The following GRK7 variants were observed in gnomAD, a reference collection of about 807,000 sequenced individuals.
The protein encoded by GRK7 is rhodopsin kinase GRK7.
A neutral mutation model predicts 34.1 loss-of-function variants in GRK7; 24 were observed. The observed-to-expected ratio is 0.70, with a 90% CI of 0.51 to 0.99. GRK7 has a LOEUF of 0.99. Among genes scored for constraint, GRK7 ranks in the 50% least tolerant of loss-of-function variants. GRK7 has a pLI of 0.00. For missense variants in GRK7, 644 were observed against 707.3 expected, an observed-to-expected ratio of 0.91 and a Z score of 1.02; for synonymous variants, 256 against 279.4, an observed-to-expected ratio of 0.92 and a Z score of 0.84.
chr3:141,777,811 C>T (rs887135692), intron 2 of GRK7, among the ~76,000 whole-genome samples: 3 of 152,114 alleles, frequency 2.0e-5, no homozygotes, highest in African/African-American at 7.2e-5. Flanking sequence ...TCTGACTTCT[C>T]ACAGTTCCTC....
rs762654234 is a variant in GRK7, at chr3:141,780,670, G to A, written c.909G>A (p.Gly303=). The A allele has an allele frequency of 1.9e-6, 3 of 1,614,224 alleles. No individual in the cohort carries two copies. Among genetic ancestry groups the A allele is most frequent in the Non-Finnish European group, 2.5e-6 (3 of 1,180,046 alleles). The stretch of plus-strand genomic sequence containing the variant: ...TTTACTCGGCCCAGATAGCCTGTGG[G>A]ATGCTGCACCTCCATGAACTCGGCA... ...VIFYSAQIAC[G]MLHLHELGIV... is the part of the protein sequence containing the mutation. The change falls in exon 4 of 6, where the codon GGG becomes GGA. Residue 303 remains glycine, a synonymous_variant. Transcript: ENST00000682958.
intron 5 of GRK7, among the ~76,000 whole-genome samples, chr3:141,810,065 C>T (rs906993822): frequency 3.3e-5 from 5 of 152,132 alleles, no homozygotes; most frequent in African/African-American, 9.7e-5. Flanking sequence ...AGATTACCAT[C>T]CATAATGTGG....
Position 141,818,486 on chromosome 3 carries a change from A to C in GRK7, c.*1436A>C, listed in dbSNP as rs181731244. 126 of 148,758 alleles carry C rather than the reference A, an allele frequency of 8.5e-4. No individual in the cohort carries two copies. The highest frequency in any genetic ancestry group is 5.6e-3 in the South Asian group (27 of 4,832). 9.2% of individuals were successfully genotyped at this position (148,758 alleles called of 1,614,324 possible). The stretch of plus-strand genomic sequence containing the variant: ...GCAAGAGCAAGACTCTATCTCAAAA[A>C]AAAACAAAACAAAACAAAACAAAAA... On this transcript the variant is annotated 3_prime_UTR_variant, in exon 6 of 6. Coordinates refer to ENST00000682958, the MANE Select transcript of GRK7 (RefSeq NM_139209.3).
At chr3:141,766,144 CAT>C (rs762848070) in intron 1 of GRK7, among the ~76,000 whole-genome samples, 73,850 of 151,422 alleles carry the variant, frequency 0.49, 18,353 homozygotes, top group South Asian at 0.62. Context: ...GGACATTTAA[CAT>C]TTACACGCTT....
intron 5 of GRK7, among the ~76,000 whole-genome samples, chr3:141,809,657 C>T (rs1352127360): frequency 6.6e-6 from 1 of 152,000 alleles, no homozygotes; most frequent in African/African-American, 2.4e-5. Context: ...GTGATCATGC[C>T]ACTGTACTCC....
chr3:141,778,807 T>C lies in GRK7; in HGVS notation c.523T>C (p.Phe175Leu). The change falls in exon 3 of 6, where the codon TTT becomes CTT. Residue 175 changes from phenylalanine to leucine, a missense_variant. Physicochemically the swap from Phe to Leu is conservative, Grantham distance 22 (BLOSUM62 0). Transcript: ENST00000682958. This position sits in a 1 kb window ranked among gnomAD's most constrained non-coding sequence, Gnocchi z 4.1. ...CGTGACCAGCGCCTTCTACGACAAG[T>C]TTCTGCAGTGGAAACTCTTCGAGAT... is the stretch of plus-strand genomic sequence containing the variant. Reference protein sequence around the residue: ...DFVTSAFYDKFLQWKLFEMQP... With the variant: ...DFVTSAFYDKLLQWKLFEMQP... 3 of 1,610,464 alleles carry C rather than the reference T, an allele frequency of 1.9e-6. No individual in the cohort carries two copies. The highest frequency in any genetic ancestry group is 2.5e-6 in the Non-Finnish European group (3 of 1,178,488).
chr3:141,808,350 G>A (rs914281765), intron 5 of GRK7, among the ~76,000 whole-genome samples: 4 of 152,130 alleles, frequency 2.6e-5, no homozygotes, highest in African/African-American at 9.7e-5. Flanking sequence ...ATCACATGCA[G>A]CCATAAAACA....
At position 141,780,811 on chromosome 3, in the gene GRK7, GGTGA is replaced by G; in HGVS notation, c.1050+5_1050+8del. 1 of 1,609,780 alleles carries G rather than the reference GGTGA, an allele frequency of 6.2e-7. No homozygotes were observed. The highest frequency in any genetic ancestry group is 8.5e-7 in the Non-Finnish European group (1 of 1,176,960). On this transcript the variant is annotated splice_donor_variant and splice_donor_region_variant and intron_variant, in intron 4 of 5. Transcript: ENST00000682958. LOFTEE classifies it high-confidence loss of function. Reference sequence around the variant, plus strand: ...AGGGTGGCAAGCCCATCACCCAGAGGGTGAGTGACTCTCCACCTGCCCCAAGTGC... The same window carrying G: ...AGGGTGGCAAGCCCATCACCCAGAGGGTGACTCTCCACCTGCCCCAAGTGC...
At chr3:141,770,176 C>A (rs1376137952) in intron 1 of GRK7, among the ~76,000 whole-genome samples, 1 of 152,216 alleles carries the variant, frequency 6.6e-6, no homozygotes, top group Admixed American at 6.5e-5. Context: ...GCTGGAATTA[C>A]AGCGTGGTTA....
the GRK7 span, among the ~76,000 whole-genome samples, chr3:141,757,147 C>CTTTTTTTTTTTTTTTTTTTTTTT: frequency 2.2e-5 from 2 of 89,452 alleles, no homozygotes; most frequent in South Asian, 3.6e-4. Context: ...TTTTTTTTTT[C>CTTTTTTTTTTTTTTTTTTTTTTT]TTTTTTTTTT....
At chr3:141,803,305 G>A (rs1376962284) in intron 4 of GRK7, among the ~76,000 whole-genome samples, 3 of 147,978 alleles carry the variant, frequency 2.0e-5, no homozygotes, top group Non-Finnish European at 3.0e-5. Context: ...GGTGGTGCAC[G>A]CCTGTAGTCC....
chr3:141,807,931 T>C lies in GRK7; in HGVS notation c.1325+12T>C, dbSNP rs1711053925. ...CGCTTAGGAAGCAGGTAAACTAGCA[T>C]GTAACAGAGAGGATTGCTGACACCA... On this transcript the variant is annotated intron_variant, in intron 5 of 5. Transcript: ENST00000682958. 2 of 1,562,304 alleles carry C rather than the reference T, an allele frequency of 1.3e-6. No homozygotes were observed. The highest frequency in any genetic ancestry group is 1.7e-6 in the Non-Finnish European group (2 of 1,154,330).
At chr3:141,814,317 G>C (rs865926532) in intron 5 of GRK7, among the ~76,000 whole-genome samples, 2 of 152,076 alleles carry the variant, frequency 1.3e-5, no homozygotes, top group Non-Finnish European at 2.9e-5. Flanking sequence ...GGATGCAATT[G>C]AATCTATCAC....
At chr3:141,788,824 T>C (rs1441287374) in intron 4 of GRK7, among the ~76,000 whole-genome samples, 1 of 152,162 alleles carries the variant, frequency 6.6e-6, no homozygotes, top group Non-Finnish European at 1.5e-5. Context: ...GTCTTTGAAT[T>C]ATCTGGAGGA....
At chr3:141,752,618 T>A in the GRK7 span, among the ~76,000 whole-genome samples, 2 of 152,336 alleles carry the variant, frequency 1.3e-5, no homozygotes, top group East Asian at 3.9e-4. Context: ...TTATTATGCA[T>A]CAAACTCTTT....
At chr3:141,766,168 TTC>T (rs148959369) in intron 1 of GRK7, among the ~76,000 whole-genome samples, 10,004 of 149,014 alleles carry the variant, frequency 0.067, 1,049 homozygotes, top group African/African-American at 0.24. Flanking sequence ...ACTTAATTTT[TTC>T]TTTTTTTTTT....
At chr3:141,760,004 C>A (rs1197278462), upstream of GRK7, among the ~76,000 whole-genome samples, 3 of 80,060 alleles carry the variant, frequency 3.7e-5, no homozygotes, top group Non-Finnish European at 7.2e-5. Flanking sequence ...GTGGTGATAT[C>A]CCCTTTATCA....
the GRK7 span, among the ~76,000 whole-genome samples, chr3:141,751,681 A>T: frequency 2.0e-5 from 3 of 152,364 alleles, no homozygotes; most frequent in Admixed American, 2.0e-4. Flanking sequence ...ATGTGTATAG[A>T]TCTGTGTTGT....
chr3:141,812,348 A>G (rs544218326), intron 5 of GRK7, among the ~76,000 whole-genome samples: 1 of 152,374 alleles, frequency 6.6e-6, no homozygotes, highest in East Asian at 1.9e-4. Flanking sequence ...GATGGGCCGA[A>G]AGAGCCCTGC....
Sources: allele counts gnomAD v4.1 joint callset (sites outside exome capture counted in the v4.1 genomes callset), GRCh38; gene constraint gnomAD v4.1.1; non-coding constraint Gnocchi (gnomAD v3.1); transcripts MANE v1.5; gene names NCBI Gene and HGNC (gene_info 2026-07-23, HGNC 2026-07-21).